DHX32: variants seen among roughly 807,000 people sequenced by gnomAD.
The protein encoded by DHX32 is putative pre-mRNA-splicing factor ATP-dependent RNA helicase DHX32.
Under a neutral mutation model 70.0 loss-of-function variants are expected in DHX32, and 51 were observed. The ratio of observed to expected loss-of-function variants is 0.73; its 90% CI spans 0.58 to 0.92. The LOEUF (loss-of-function observed/expected upper bound fraction) is 0.92, where lower values mean the gene tolerates loss of function less well. Among genes scored for constraint, DHX32 ranks in the 40% least tolerant of loss-of-function variants. DHX32 has a pLI of 0.00. For missense variants in DHX32, 762 were observed against 891.8 expected (o/e 0.85, Z 1.85); for synonymous variants, 310 against 315.3 (o/e 0.98, Z 0.18).
In DHX32 at chr10:125,866,867, A is replaced by C; in HGVS notation, c.476+123T>G. On this transcript the variant is annotated intron_variant, in intron 2 of 10. Coordinates refer to ENST00000284690, the MANE Select transcript of DHX32 (RefSeq NM_018180.3). The surrounding 1 kb of genome is among the most constrained non-coding windows in gnomAD (Gnocchi z 4.8). The stretch of plus-strand genomic sequence containing the variant: ...TGTTGCTGGCTGGCTGATGACAGAG[A>C]CCAGTTGCTACTGCACAGCATAGAT... 1 of 995,524 alleles carries C rather than the reference A, an allele frequency of 1.0e-6. No homozygotes were observed. The highest frequency in any genetic ancestry group is 2.7e-5 in the Admixed American group (1 of 37,630). 61.7% of individuals were successfully genotyped at this position (995,524 alleles called of 1,614,324 possible). A position where few individuals can be genotyped will look rare whatever the true frequency, so the allele number is the denominator to read the frequency against.
rs769971747 is a variant in DHX32 at position 125,841,827 on chromosome 10, C to T, written c.1459G>A (p.Asp487Asn). The change falls in exon 7 of 11, where the codon GAT (aspartate) becomes AAT (asparagine). Residue 487 changes from aspartate to asparagine, a missense_variant. Asp to Asn is a conservative substitution (Grantham distance 23). This residue lies in a region of DHX32 where 366 missense variants were observed against 402.6 expected (regional missense o/e 0.91). Coordinates refer to ENST00000284690, the MANE Select transcript of DHX32 (RefSeq NM_018180.3). Reference sequence around the variant, plus strand: ...AAGATAGACTTCGAGAGTTGTGGATCAAGAGGAAACTCTGACATGATGATT... The same window carrying T: ...AAGATAGACTTCGAGAGTTGTGGATTAAGAGGAAACTCTGACATGATGATT... ...FGIIMSEFPL[D>N]PQLSKSILAS... 7 of 1,613,692 alleles carry T rather than the reference C, an allele frequency of 4.3e-6. No individual in the cohort carries two copies. Among genetic ancestry groups the T allele is most frequent in the Non-Finnish European group, 5.9e-6 (7 of 1,179,978 alleles).
intron 1 of DHX32, among the ~76,000 whole-genome samples, chr10:125,875,977 C>T (rs1380336706): frequency 6.6e-6 from 1 of 152,192 alleles, no homozygotes; most frequent in Non-Finnish European, 1.5e-5. Flanking sequence ...CCAGAGGTCA[C>T]AAGATTTGTA....
chr10:125,877,341 G>GCTGGC (rs1442350188), intron 1 of DHX32, among the ~76,000 whole-genome samples: 2,244 of 151,722 alleles, frequency 0.015, 22 homozygotes, highest in Non-Finnish European at 0.024. Flanking sequence ...CTGTAAATCA[G>GCTGGC]ATAAAAAACA....
At chr10:125,842,585 G>A (rs1467094407) in intron 6 of DHX32, 1 of 152,718 alleles carries the variant, frequency 6.5e-6, no homozygotes, top group East Asian at 1.9e-4. Flanking sequence ...CTGCATCCTA[G>A]GACAAAGCTC....
chr10:125,838,288 T>C lies in DHX32; in HGVS notation c.1981A>G (p.Met661Val), dbSNP rs962376016. The change falls in exon 10 of 11, where the codon ATG becomes GTG. Residue 661 changes from methionine (M) to valine (V), a missense_variant. By Grantham distance (21) the Met-to-Val change is conservative (BLOSUM62 1). Around this residue, in one of 3 missense-constraint regions of DHX32, gnomAD observed 366 missense variants for 402.6 expected, o/e 0.91. Transcript: ENST00000284690. The part of the protein sequence containing the change: ...PLSGYSITKK[M>V]PEWVLFHKFS... Reference sequence around the variant, plus strand: ...TTATGGAAGAGGACCCACTCTGGCATCTTCTTGGTGATTGAGTAACCAGAC... The same window carrying C: ...TTATGGAAGAGGACCCACTCTGGCACCTTCTTGGTGATTGAGTAACCAGAC... The C allele has an allele frequency of 5.6e-6, 9 of 1,614,030 alleles. No homozygotes were observed. The highest frequency in any genetic ancestry group is 6.8e-6 in the Non-Finnish European group (8 of 1,179,988).
intron 1 of DHX32, among the ~76,000 whole-genome samples, chr10:125,872,442 A>C (rs1271216110): frequency 2.0e-5 from 3 of 152,220 alleles, no homozygotes; most frequent in African/African-American, 7.2e-5. Flanking sequence ...TTTGTGACTG[A>C]GTACTTAGCA....
At chr10:125,843,264 C>G (rs1034830530) in intron 6 of DHX32, among the ~76,000 whole-genome samples, 7 of 151,988 alleles carry the variant, frequency 4.6e-5, no homozygotes, top group Non-Finnish European at 1.0e-4. Context: ...CCTGGGAGTT[C>G]AAAGTAACAT....
intron 1 of DHX32, among the ~76,000 whole-genome samples, chr10:125,892,718 A>G (rs75448085): frequency 2.0e-5 from 3 of 152,306 alleles, no homozygotes; most frequent in Non-Finnish European, 4.4e-5. Flanking sequence ...GCCTAAGTCA[A>G]TAACAGCCCT....
At chr10:125,894,835 A>T (rs1343740648) in intron 1 of DHX32, among the ~76,000 whole-genome samples, 1 of 152,304 alleles carries the variant, frequency 6.6e-6, no homozygotes, top group Non-Finnish European at 1.5e-5. Flanking sequence ...GAATGAAAAG[A>T]CCGCTTTGTG....
At chr10:125,841,322 A>G (rs1307799170) in intron 7 of DHX32, 11 of 1,614,212 alleles carry the variant, frequency 6.8e-6, no homozygotes, top group Non-Finnish European at 8.5e-6. Flanking sequence ...GTTCCGATAC[A>G]GCACAATGGT....
At position 125,880,722 on chromosome 10, in the gene DHX32, AG is replaced by A; in HGVS notation, c.102del (p.Cys35ValfsTer22). On this transcript the variant is annotated frameshift_variant, in exon 1 of 11. Transcript: ENST00000284690. LOFTEE classifies it high-confidence loss of function. The part of the protein sequence containing the change: ...SSDGDEEEVL[A>X]CEDLELNPFD... Reference sequence around the variant, plus strand: ...AAGGGGTTAAGTTCCAAATCCTCACAGGCCAAAACCTCTTCCTCATCCCCAT... The same window carrying A: ...AAGGGGTTAAGTTCCAAATCCTCACAGCCAAAACCTCTTCCTCATCCCCAT... 6.2e-7 allele frequency: 1 copy of A among 1,614,244 alleles called. No homozygotes were observed. The highest frequency in any genetic ancestry group is 2.2e-5 in the East Asian group (1 of 44,892).
upstream of DHX32, among the ~76,000 whole-genome samples, chr10:125,885,681 T>TAA (rs1206846729): frequency 6.6e-6 from 1 of 152,184 alleles, no homozygotes; most frequent in African/African-American, 2.4e-5. Flanking sequence ...ACGAAGCTGT[T>TAA]AAGACAATAA....
In DHX32 at chr10:125,880,401, C is replaced by A. The variant is rs151282228; in HGVS notation, c.282+142G>T. 5.8e-4 allele frequency: 493 copies of A among 842,970 alleles called. 3 individuals are homozygous for A. The East Asian group carries it at 0.011, about 19-fold the overall frequency. 52.2% of individuals were successfully genotyped at this position (842,970 alleles called of 1,614,324 possible). A position where few individuals can be genotyped will look rare whatever the true frequency, so the allele number is the denominator to read the frequency against. On this transcript the variant is annotated intron_variant, in intron 1 of 10. Transcript: ENST00000284690. Reference sequence around the variant, plus strand: ...TTAGTAAAATTAATAAAATTAGGTACGTGATTTAATTATTTTATCTGAATA... The same window carrying A: ...TTAGTAAAATTAATAAAATTAGGTAAGTGATTTAATTATTTTATCTGAATA...
At chr10:125,853,253 G>T (rs776341436) in intron 4 of DHX32, 2 of 1,565,810 alleles carry the variant, frequency 1.3e-6, no homozygotes, top group South Asian at 2.3e-5. Context: ...ATAAGTCAGG[G>T]ATATTTAGGA....
At chr10:125,857,415 T>C (rs1320700320) in intron 3 of DHX32, among the ~76,000 whole-genome samples, 2 of 152,198 alleles carry the variant, frequency 1.3e-5, no homozygotes, top group African/African-American at 4.8e-5. Context: ...GTTGAGCCCC[T>C]GAACAATGAG....
At chr10:125,865,521 T>C (rs1470906464) in intron 2 of DHX32, among the ~76,000 whole-genome samples, 1 of 152,166 alleles carries the variant, frequency 6.6e-6, no homozygotes, top group Non-Finnish European at 1.5e-5. Context: ...ACAAACCGAA[T>C]GAGCCCCATG....
chr10:125,854,180 A>G lies in DHX32; in HGVS notation c.873T>C (p.Thr291=). The part of the protein sequence containing the change: ...CEQDIEKVCE[T]VYQGSNLNPD... ...GGTTTAGGTTAGATCCTTGATAGAC[A>G]GTTTCACAGACTTTCTCAATATCCT... Residue 291 remains threonine, a synonymous_variant, in exon 4 of 11, where the codon ACT becomes ACC. Transcript: ENST00000284690. The G allele has an allele frequency of 6.2e-7, 1 of 1,608,322 alleles. No individual in the cohort carries two copies.
chr10:125,895,370 G>C (rs12161666), intron 1 of DHX32, among the ~76,000 whole-genome samples: 1 of 152,216 alleles, frequency 6.6e-6, no homozygotes, highest in African/African-American at 2.4e-5. Flanking sequence ...GGAATTAATA[G>C]AGGGGCCATA....
intron 8 of DHX32, among the ~76,000 whole-genome samples, chr10:125,840,447 C>T (rs1489646711): frequency 2.6e-5 from 4 of 152,236 alleles, no homozygotes; most frequent in Admixed American, 6.5e-5. Context: ...TCTGCATGCA[C>T]GTGGTGAATG....
Sources: allele counts gnomAD v4.1 joint callset (sites outside exome capture counted in the v4.1 genomes callset), GRCh38; gene constraint gnomAD v4.1.1; regional missense constraint gnomAD v4.1.1; non-coding constraint Gnocchi (gnomAD v3.1); transcripts MANE v1.5; gene names NCBI Gene and HGNC (gene_info 2026-07-23, HGNC 2026-07-21).